The following DDX6 variants were observed in gnomAD, a reference collection of about 807,000 sequenced individuals.
DDX6 encodes probable ATP-dependent RNA helicase DDX6.
Under a neutral mutation model 60.6 loss-of-function variants are expected in DDX6, and 7 were observed. The observed-to-expected ratio is 0.12, with a 90% CI of 0.07 to 0.22. DDX6 has a LOEUF of 0.22. DDX6 is among the 10% of genes least tolerant of loss of function. The pLI is 1.00. For synonymous variants in DDX6, 207 were observed against 201.0 expected, an observed-to-expected ratio of 1.03 and a Z score of -0.25; for missense variants, 270 against 589.9, an observed-to-expected ratio of 0.46 and a Z score of 5.62.
At chr11:118,760,259 T>C (rs1861119493) in intron 7 of DDX6, among the ~76,000 whole-genome samples, 1 of 152,138 alleles carries the variant, frequency 6.6e-6, no homozygotes, top group South Asian at 2.1e-4. Flanking sequence ...AAAAAAATTC[T>C]ACACTACACA....
chr11:118,754,631 A>C, intron 13 of DDX6, 74 bp downstream of exon 13: 1 of 1,392,714 alleles, frequency 7.2e-7, no homozygotes, highest in African/African-American at 1.5e-5. Context: ...TGTGACATCA[A>C]ATTTCCCCCA....
rs1401987461 is a variant in DDX6 at position 118,752,040 on chromosome 11, ATTCCCCCCAAAACGATGTGTCACAG to A, written c.*40_*64del. 5 of 259,272 alleles carry A rather than the reference ATTCCCCCCAAAACGATGTGTCACAG, an allele frequency of 1.9e-5. No homozygotes were observed. Among genetic ancestry groups the A allele is most frequent in the African/African-American group, 1.2e-4 (5 of 43,138 alleles). 16.1% of individuals were successfully genotyped at this position (259,272 alleles called of 1,614,324 possible). ...ATGAAAAACCCACAAAGAGAGGAGC[ATTCCCCCCAAAACGATGTGTCACAG>A]ATCCAAACGAGCCTTTTGTAATTTG... On this transcript the variant is annotated 3_prime_UTR_variant, in exon 14 of 14. Transcript: ENST00000534980.
rs553886465 is a variant in DDX6, at chr11:118,750,023, G to C, written c.*2082C>G. On this transcript the variant is annotated 3_prime_UTR_variant, in exon 14 of 14. Transcript: ENST00000534980. ...ATCTCCAAGGAATTGTGGGTGAGTC[G>C]CAAATAGTTTGCTCAGAAGTAGGCA... 9.8e-5 allele frequency: 15 copies of C among 152,632 alleles called. No homozygotes were observed. Among genetic ancestry groups the C allele is most frequent in the Middle Eastern group, 3.4e-3 (1 of 292 alleles). The allele number at this position is 152,632 out of a possible 1,614,324, so 9.5% of individuals were successfully genotyped here. A position where few individuals can be genotyped will look rare whatever the true frequency, so the allele number is the denominator to read the frequency against.
In DDX6 at chr11:118,771,239, T is replaced by C. The variant is rs1051031925; in HGVS notation, c.370-2887A>G. On this transcript the variant is annotated intron_variant, in intron 4 of 13. Transcript: ENST00000534980. ...ACTTGCTGGGTCAGGTTCTTTAAAG[T>C]GTAAACCTTTTTTTCAATCAAGTGA... is the stretch of plus-strand genomic sequence containing the variant. Among the ~76,000 whole-genome samples, 4 of 152,182 alleles carry C rather than the reference T, an allele frequency of 2.6e-5. No individual in the cohort carries two copies. The East Asian group carries it at 7.7e-4, about 29-fold the overall frequency.
chr11:118,784,211 A>T lies in DDX6; in HGVS notation c.200+1841T>A, dbSNP rs185234623. Among the ~76,000 whole-genome samples, 97 of 152,234 alleles carry T rather than the reference A, an allele frequency of 6.4e-4. No homozygotes were observed. In the Middle Eastern group the frequency reaches 0.037, roughly 59 times the overall value. On this transcript the variant is annotated intron_variant, in intron 2 of 13. Coordinates refer to ENST00000534980, the MANE Select transcript of DDX6 (RefSeq NM_004397.6). Reference sequence around the variant, plus strand: ...CATTTCTATACCAATTAAAGCATTCACCTTAAAAATAACAGAATATACACT... The same window carrying T: ...CATTTCTATACCAATTAAAGCATTCTCCTTAAAAATAACAGAATATACACT...
chr11:118,757,041 C>A (rs1348899952), intron 10 of DDX6, 130 bp downstream of exon 10: 2 of 474,804 alleles, frequency 4.2e-6, no homozygotes, highest in Non-Finnish European at 7.4e-6. Context: ...TGAGGGAGGT[C>A]AAAATGAAAG....
At chr11:118,780,900 C>T (rs562583330) in intron 3 of DDX6, among the ~76,000 whole-genome samples, 3 of 152,260 alleles carry the variant, frequency 2.0e-5, no homozygotes, top group Non-Finnish European at 2.9e-5. Flanking sequence ...AAAATTCTCC[C>T]GGTTGAAAAC....
In DDX6 at chr11:118,773,619, C is replaced by T. The variant is rs1397990176; in HGVS notation, c.370-5267G>A. ...AAAAACAACCTATGGTTACTCCAGACGAGGTAGCAATGATTGTTACAAATG... is the reference window on the plus strand; with the variant it reads ...AAAAACAACCTATGGTTACTCCAGATGAGGTAGCAATGATTGTTACAAATG... On this transcript the variant is annotated intron_variant, in intron 4 of 13. Coordinates refer to ENST00000534980, the MANE Select transcript of DDX6 (RefSeq NM_004397.6). Among the ~76,000 whole-genome samples, 4 of 150,374 alleles carry T rather than the reference C, an allele frequency of 2.7e-5. No homozygotes were observed. In the South Asian group the frequency reaches 6.3e-4, roughly 24 times the overall value.
At chr11:118,790,026 T>C (rs777165574) in intron 1 of DDX6, 6 of 152,206 alleles carry the variant, frequency 3.9e-5, no homozygotes, top group Admixed American at 6.5e-5. Context: ...TAGTTAGCAA[T>C]TGACAGTTTC....
intron 5 of DDX6, among the ~76,000 whole-genome samples, 167 bp from the exon 6 acceptor site, chr11:118,765,522 C>G (rs781892117): frequency 5.3e-5 from 8 of 152,172 alleles, no homozygotes; most frequent in Non-Finnish European, 1.0e-4. Context: ...CGCCTGTAAT[C>G]CCAGCACTCT....
intron 5 of DDX6, among the ~76,000 whole-genome samples, chr11:118,766,045 C>G (rs1861342722): frequency 1.3e-5 from 2 of 148,362 alleles, no homozygotes; most frequent in South Asian, 4.2e-4. Flanking sequence ...CACTCCAGTC[C>G]AGGCAACAAG....
intron 6 of DDX6, among the ~76,000 whole-genome samples, chr11:118,764,482 A>G (rs937662622): frequency 6.6e-6 from 1 of 151,962 alleles, no homozygotes; most frequent in Non-Finnish European, 1.5e-5. Flanking sequence ...CATTTACCCA[A>G]CTTTTTTCTT....
rs571861827 is a variant in DDX6, at chr11:118,764,113, T to C, written c.647-807A>G. On this transcript the variant is annotated intron_variant, in intron 6 of 13. Coordinates refer to ENST00000534980, the MANE Select transcript of DDX6 (RefSeq NM_004397.6). ...TCTGACATAAGAGCAATGCCTCTAA[T>C]CTAGAGCAGTGAGCCGAGTATTGTT... is the stretch of plus-strand genomic sequence containing the variant. Among the ~76,000 whole-genome samples, 5 of 152,220 alleles carry C rather than the reference T, an allele frequency of 3.3e-5. No individual in the cohort carries two copies. The East Asian group carries it at 9.6e-4, about 29-fold the overall frequency.
At chr11:118,777,376 A>G (rs782796615) in intron 4 of DDX6, among the ~76,000 whole-genome samples, 2 of 152,172 alleles carry the variant, frequency 1.3e-5, no homozygotes, top group African/African-American at 2.4e-5. Flanking sequence ...ATGCATGTTT[A>G]TATGTACGTG....
chr11:118,756,024 C>CA (rs1417778038), intron 11 of DDX6, among the ~76,000 whole-genome samples: 1 of 129,872 alleles, frequency 7.7e-6, no homozygotes, highest in Non-Finnish European at 1.7e-5. Flanking sequence ...CCTCCCCCCC[C>CA]CCCCCAAAAA....
chr11:118,754,534 G>A (rs564025814), intron 13 of DDX6, 171 bp downstream of exon 13: 173 of 517,878 alleles, frequency 3.3e-4, no homozygotes, highest in Non-Finnish European at 5.1e-4. Context: ...ACAGATTCTC[G>A]AATGAGACTA....
chr11:118,781,628 T>C (rs2137537618), intron 2 of DDX6, among the ~76,000 whole-genome samples: 1 of 152,326 alleles, frequency 6.6e-6, no homozygotes, highest in Admixed American at 6.5e-5. Context: ...CTATTCTCAT[T>C]TTTAAAATAG....
rs574581959 is a variant in DDX6, at chr11:118,755,558, C to T, written c.1175-55G>A. 5.3e-6 allele frequency: 5 copies of T among 941,318 alleles called. No homozygotes were observed. In the Admixed American group the frequency reaches 7.3e-5, roughly 14 times the overall value. 58.3% of individuals were successfully genotyped at this position (941,318 alleles called of 1,614,324 possible). A position where few individuals can be genotyped will look rare whatever the true frequency, so the allele number is the denominator to read the frequency against. ...TTCAATTTAGAAATGTCTCTCAGTA[C>T]AATACTAACACATATTTCTAGCATA... is the stretch of plus-strand genomic sequence containing the variant. On this transcript the variant is annotated intron_variant, in intron 11 of 13. Coordinates refer to ENST00000534980, the MANE Select transcript of DDX6 (RefSeq NM_004397.6).
chr11:118,773,756 A>C (rs1271199092), intron 4 of DDX6, among the ~76,000 whole-genome samples: 2 of 151,936 alleles, frequency 1.3e-5, no homozygotes, highest in South Asian at 2.1e-4. Context: ...TGCAAGGCTG[A>C]GGCAGGAGAA....
Sources: allele counts gnomAD v4.1 joint callset (sites outside exome capture counted in the v4.1 genomes callset), GRCh38; gene constraint gnomAD v4.1.1; transcripts MANE v1.5; gene names NCBI Gene and HGNC (gene_info 2026-07-23, HGNC 2026-07-21).